FAM227B: variants seen among roughly 807,000 people sequenced by gnomAD.
The protein encoded by FAM227B is protein FAM227B.
A neutral mutation model predicts 73.8 loss-of-function variants in FAM227B; 88 were observed. The observed-to-expected ratio is 1.19, with a 90% CI of 1.00 to 1.42. The LOEUF is 1.42. Ranked by LOEUF, FAM227B falls within the 40% of genes most tolerant of loss-of-function variation. The pLI, the probability that FAM227B is intolerant of heterozygous loss-of-function variation, is 0.00. For synonymous variants in FAM227B, 210 were observed against 190.5 expected, an observed-to-expected ratio of 1.10 and a Z score of -0.84; for missense variants, 632 against 590.9, an observed-to-expected ratio of 1.07 and a Z score of -0.72.
At chr15:49,401,326 G>A (rs1468906513) in intron 11 of FAM227B, among the ~76,000 whole-genome samples, 20 of 152,384 alleles carry the variant, frequency 1.3e-4, no homozygotes, top group African/African-American at 4.8e-4. Context: ...AGTTAGAATG[G>A]CAATCATTAA....
chr15:49,541,660 T>C lies in FAM227B; in HGVS notation c.874+20A>G. On this transcript the variant is annotated intron_variant, in intron 10 of 15. Transcript: ENST00000299338. ...TTAGAAACCAAAACAATGATTAATA[T>C]TTAAATGATATATTCATACCTGAAC... The C allele has an allele frequency of 7.1e-7, 1 of 1,410,478 alleles. No individual in the cohort carries two copies. The highest frequency in any genetic ancestry group is 9.3e-7 in the Non-Finnish European group (1 of 1,075,042). The allele number at this position is 1,410,478 out of a possible 1,614,324, so 87.4% of individuals were successfully genotyped here.
At chr15:49,555,623 A>G (rs186209891) in intron 9 of FAM227B, among the ~76,000 whole-genome samples, 22 of 152,352 alleles carry the variant, frequency 1.4e-4, no homozygotes, top group Non-Finnish European at 2.8e-4. Context: ...TTTCACAAAC[A>G]ATATTCTGAA....
intron 11 of FAM227B, chr15:49,396,235 G>A (rs561119215): frequency 1.5e-4 from 53 of 361,690 alleles, no homozygotes; most frequent in Middle Eastern, 9.6e-4. Flanking sequence ...AAGGGGTGAC[G>A]GACGGCACCT....
intron 11 of FAM227B, among the ~76,000 whole-genome samples, chr15:49,440,281 C>T (rs961483313): frequency 6.6e-6 from 1 of 151,670 alleles, no homozygotes; most frequent in Non-Finnish European, 1.5e-5. Context: ...CAATTTGGAT[C>T]ATTTCCCCTT....
At position 49,594,313 on chromosome 15, in the gene FAM227B, T is replaced by C. The variant is rs570613164; in HGVS notation, c.106-4306A>G. On this transcript the variant is annotated intron_variant, in intron 3 of 15. Coordinates refer to ENST00000299338, the MANE Select transcript of FAM227B (RefSeq NM_152647.3). The stretch of plus-strand genomic sequence containing the variant: ...TTGCTGATTTGAGTTCCTTGTAGAC[T>C]CTGGATATTAGTCCTTTGTCCAATG... Among the ~76,000 whole-genome samples the C allele has an allele frequency of 1.6e-3, 242 of 152,294 alleles. 1 individual carries two copies. The highest frequency in any genetic ancestry group is 2.8e-3 in the Non-Finnish European group (188 of 68,028).
At chr15:49,431,120 T>C (rs1473523847) in intron 11 of FAM227B, among the ~76,000 whole-genome samples, 1 of 151,858 alleles carries the variant, frequency 6.6e-6, no homozygotes, top group African/African-American at 2.4e-5. Flanking sequence ...AAATTATGTA[T>C]ACTTAAGTAA....
chr15:49,497,901 C>CT lies in FAM227B; in HGVS notation c.1012+10309dup, dbSNP rs368691110. Among the ~76,000 whole-genome samples the CT allele has an allele frequency of 2.0e-3, 301 of 152,320 alleles. 1 individual carries two copies. The highest frequency in any genetic ancestry group is 6.9e-3 in the African/African-American group (288 of 41,576). On this transcript the variant is annotated intron_variant, in intron 11 of 15. Coordinates refer to ENST00000299338, the MANE Select transcript of FAM227B (RefSeq NM_152647.3). ...CCAAAGTGTGAATTTTCCAAGTCCC[C>CT]TAACCATTGCTTGCTATTTCTAGAG...
chr15:49,475,287 G>A (rs1437937357), intron 11 of FAM227B, among the ~76,000 whole-genome samples: 1 of 152,102 alleles, frequency 6.6e-6, no homozygotes, highest in African/African-American at 2.4e-5. Flanking sequence ...AAGAGAGAAC[G>A]CCAATAAAGA....
chr15:49,474,374 A>G (rs145158248), intron 11 of FAM227B, among the ~76,000 whole-genome samples: 15 of 152,316 alleles, frequency 9.8e-5, no homozygotes, highest in Admixed American at 7.8e-4. Context: ...TTTATTCTGC[A>G]TAGCTTCAGA....
At chr15:49,480,880 A>G (rs2055884260) in intron 11 of FAM227B, among the ~76,000 whole-genome samples, 1 of 152,224 alleles carries the variant, frequency 6.6e-6, no homozygotes, top group Non-Finnish European at 1.5e-5. Context: ...ACTTATTGTC[A>G]TGACTGGACC....
intron 9 of FAM227B, among the ~76,000 whole-genome samples, chr15:49,543,394 G>C (rs2071360606): frequency 6.6e-6 from 1 of 152,130 alleles, no homozygotes. Flanking sequence ...GTTTCTTGTA[G>C]ATTCTGGATA....
chr15:49,590,918 T>C (rs558621049), intron 3 of FAM227B, among the ~76,000 whole-genome samples: 46 of 152,172 alleles, frequency 3.0e-4, no homozygotes, highest in Non-Finnish European at 3.5e-4. Context: ...ATGCCACAGT[T>C]GCCTTTTTGT....
intron 11 of FAM227B, among the ~76,000 whole-genome samples, chr15:49,481,129 G>A (rs1407486281): frequency 6.6e-6 from 1 of 152,112 alleles, no homozygotes; most frequent in Admixed American, 6.5e-5. Flanking sequence ...AGAAAATATT[G>A]ACTTCTTAAT....
At chr15:49,594,596 T>C (rs777892615) in intron 3 of FAM227B, among the ~76,000 whole-genome samples, 23 of 152,242 alleles carry the variant, frequency 1.5e-4, no homozygotes, top group South Asian at 4.1e-4. Flanking sequence ...GATTTGGTTA[T>C]TGTATATGGT....
chr15:49,469,352 A>G (rs532698090), intron 11 of FAM227B, among the ~76,000 whole-genome samples: 5 of 152,278 alleles, frequency 3.3e-5, no homozygotes, highest in African/African-American at 1.2e-4. Context: ...ATTAAATTAA[A>G]TTTAATTCTA....
rs577520825 is a variant in FAM227B at position 49,334,609 on chromosome 15, G to A, written c.1349+810C>T. Among the ~76,000 whole-genome samples the A allele has an allele frequency of 1.1e-4, 16 of 152,188 alleles. No homozygotes were observed. The East Asian group carries it at 1.4e-3, about 13-fold the overall frequency. On this transcript the variant is annotated intron_variant, in intron 14 of 15. Transcript: ENST00000299338. ...GTCTAAGGGATATGTGTGTGTGGACGTACACATGCGTCTGTGGGTGGGTGG... is the reference window on the plus strand; with the variant it reads ...GTCTAAGGGATATGTGTGTGTGGACATACACATGCGTCTGTGGGTGGGTGG...
intron 11 of FAM227B, among the ~76,000 whole-genome samples, chr15:49,427,346 A>T (rs940934344): frequency 7.2e-5 from 11 of 152,114 alleles, no homozygotes; most frequent in African/African-American, 2.6e-4. Flanking sequence ...TTTCCTTCCT[A>T]TTTTCATTAA....
chr15:49,406,546 C>T (rs2048523393), intron 11 of FAM227B, among the ~76,000 whole-genome samples: 1 of 151,434 alleles, frequency 6.6e-6, no homozygotes, highest in Non-Finnish European at 1.5e-5. Context: ...ACTCCCACAG[C>T]AGCAGCTTTG....
In FAM227B at chr15:49,328,573, A is replaced by G; in HGVS notation, c.1522T>C (p.Tyr508His). Residue 508 changes from tyrosine (Y) to histidine (H), a missense_variant, in exon 16 of 16, where the codon TAC becomes CAC. Physicochemically the swap from Tyr to His is moderately conservative, Grantham distance 83 (BLOSUM62 2). Transcript: ENST00000299338. ...GAGTTCATTTCTGGTTTCTCTTAGTATTCTTCTTCCTCAAAGTTGTAGTTG... is the reference window on the plus strand; with the variant it reads ...GAGTTCATTTCTGGTTTCTCTTAGTGTTCTTCTTCCTCAAAGTTGTAGTTG... ...TDNYNFEEEE[Y>H] 1 of 1,604,146 alleles carries G rather than the reference A, an allele frequency of 6.2e-7. No individual in the cohort carries two copies. Among genetic ancestry groups the G allele is most frequent in the South Asian group, 1.1e-5 (1 of 89,832 alleles).
Sources: allele counts gnomAD v4.1 joint callset (sites outside exome capture counted in the v4.1 genomes callset), GRCh38; gene constraint gnomAD v4.1.1; transcripts MANE v1.5; gene names NCBI Gene and HGNC (gene_info 2026-07-23, HGNC 2026-07-21).